Variants in PTPRM observed in about 807,000 individuals in gnomAD.
PTPRM encodes the protein protein tyrosine phosphatase receptor type M.
A neutral mutation model predicts 186.7 loss-of-function variants in PTPRM; 47 were observed. The observed-to-expected ratio is 0.25, with a 90% CI of 0.20 to 0.32. PTPRM has a LOEUF of 0.32. PTPRM is among the 10% of genes least tolerant of loss of function. The pLI is 1.00. For synonymous variants in PTPRM, 668 were observed against 674.9 expected (o/e 0.99, Z 0.16); for missense variants, 1,494 against 1,865.0 (o/e 0.80, Z 3.66).
intron 7 of PTPRM, among the ~76,000 whole-genome samples, chr18:8,017,153 C>A (rs549402658): frequency 6.6e-6 from 1 of 152,190 alleles, no homozygotes; most frequent in South Asian, 2.1e-4. Flanking sequence ...ATAAGGACCA[C>A]GTATTTATTA....
At chr18:7,813,174 C>T (rs545066672) in intron 2 of PTPRM, among the ~76,000 whole-genome samples, 4 of 152,014 alleles carry the variant, frequency 2.6e-5, no homozygotes, top group Non-Finnish European at 4.4e-5. Context: ...AATGAAAGTA[C>T]GAGGGATAAA....
At position 7,608,016 on chromosome 18, in the gene PTPRM, C is replaced by G. The variant is rs565503805; in HGVS notation, c.73+40125C>G. ...CCTGCTCTACAGGATCTCTCTCCCA[C>G]CTGTTGCAGTAATGAGTGAAACCCT... On this transcript the variant is annotated intron_variant, in intron 1 of 32. Transcript: ENST00000580170. Among the ~76,000 whole-genome samples the G allele has an allele frequency of 3.2e-4, 49 of 152,326 alleles. 2 individuals are homozygous for G. Among genetic ancestry groups the G allele is most frequent in the East Asian group, 1.2e-3 (6 of 5,164 alleles).
At chr18:8,197,804 A>G (rs2146796419) in intron 14 of PTPRM, among the ~76,000 whole-genome samples, 1 of 152,340 alleles carries the variant, frequency 6.6e-6, no homozygotes, top group Non-Finnish European at 1.5e-5. Flanking sequence ...TTTTTCTGTC[A>G]TGGTTGCTGA....
intron 1 of PTPRM, among the ~76,000 whole-genome samples, chr18:7,647,615 C>T (rs1331396579): frequency 6.6e-6 from 1 of 152,212 alleles, no homozygotes; most frequent in East Asian, 1.9e-4. Context: ...TAAGGCTACG[C>T]TGGTGTGTCC....
chr18:8,212,157 G>A (rs1011079760), intron 14 of PTPRM, among the ~76,000 whole-genome samples: 2 of 152,186 alleles, frequency 1.3e-5, no homozygotes, highest in Non-Finnish European at 2.9e-5. Context: ...AGAGGACCAG[G>A]TGCCTGTGCC....
chr18:8,084,415 C>T (rs560576107), intron 9 of PTPRM, among the ~76,000 whole-genome samples: 1 of 152,198 alleles, frequency 6.6e-6, no homozygotes, highest in East Asian at 1.9e-4. Context: ...ACTTCCTTAA[C>T]CTTGCAGAGG....
chr18:8,134,467 ATCCTTCTTCGTAG>A (rs1228158661), intron 13 of PTPRM, among the ~76,000 whole-genome samples: 1 of 152,116 alleles, frequency 6.6e-6, no homozygotes, highest in Non-Finnish European at 1.5e-5. Flanking sequence ...AGTTCCTTTT[ATCCTTCTTCGTAG>A]TCCTTCTTTT....
At chr18:7,845,763 C>T (rs1488158363) in intron 2 of PTPRM, among the ~76,000 whole-genome samples, 1 of 152,006 alleles carries the variant, frequency 6.6e-6, no homozygotes, top group Admixed American at 6.6e-5. Flanking sequence ...GGTGGTCCTC[C>T]GTGTCCATAC....
At chr18:8,314,405 G>C (rs1280222773) in intron 20 of PTPRM, among the ~76,000 whole-genome samples, 1 of 152,204 alleles carries the variant, frequency 6.6e-6, no homozygotes, top group Non-Finnish European at 1.5e-5. Flanking sequence ...ATTTGTCAAG[G>C]TGGGTGTCAC....
intron 23 of PTPRM, among the ~76,000 whole-genome samples, chr18:8,357,509 C>T (rs866095618): frequency 6.6e-6 from 1 of 152,138 alleles, no homozygotes; most frequent in Non-Finnish European, 1.5e-5. Context: ...AGGGCCGCAG[C>T]GGGTTCCTGC....
intron 8 of PTPRM, among the ~76,000 whole-genome samples, chr18:8,074,831 C>T (rs116544635): frequency 6.6e-6 from 1 of 152,088 alleles, no homozygotes; most frequent in South Asian, 2.1e-4. Context: ...TATGCAGAAG[C>T]CTTCTCCCAT....
intron 14 of PTPRM, among the ~76,000 whole-genome samples, chr18:8,231,967 A>G (rs1199615171): frequency 6.6e-6 from 1 of 152,086 alleles, no homozygotes; most frequent in African/African-American, 2.4e-5. Context: ...ATTCTTCATA[A>G]TGCACCTACT....
chr18:8,314,809 A>G lies in PTPRM; in HGVS notation c.2871A>G (p.Thr957=), dbSNP rs769169859. Residue 957 remains threonine, a synonymous_variant, in exon 21 of 33, where the codon ACA becomes ACG. Transcript: ENST00000580170. ...AYDHSRVRLQ[T]IEGDTNSDYI... is the part of the protein sequence containing the mutation. ...ATCATTCCCGAGTGAGGCTGCAGAC[A>G]ATAGAAGGAGACACAAACTCAGACT... 4.3e-6 allele frequency: 7 copies of G among 1,612,262 alleles called. No homozygotes were observed. Among genetic ancestry groups the G allele is most frequent in the South Asian group, 2.2e-5 (2 of 90,940 alleles).
intron 32 of PTPRM, chr18:8,405,186 AAGG>A (rs1331588918): frequency 6.6e-6 from 1 of 151,710 alleles, no homozygotes; most frequent in African/African-American, 2.4e-5. Flanking sequence ...AAAAAAAAGA[AAGG>A]AGGGAGAAAT....
Position 7,834,528 on chromosome 18 carries a change from A to ACACACT in PTPRM, c.197-53577_197-53576insACACTC, listed in dbSNP as rs763752808. The stretch of plus-strand genomic sequence containing the variant: ...CACACACACACACACACACACACAC[A>ACACACT]CTTCCAGACTCATTCTTTCAGGTCA... On this transcript the variant is annotated intron_variant, in intron 2 of 32. Coordinates refer to ENST00000580170, the MANE Select transcript of PTPRM (RefSeq NM_001105244.2). 2.0e-3 allele frequency among the ~76,000 whole-genome samples: 287 copies of ACACACT among 146,234 alleles called. 1 individual carries two copies. Among genetic ancestry groups the ACACACT allele is most frequent in the African/African-American group, 6.8e-3 (263 of 38,556 alleles).
chr18:7,857,432 G>A (rs2047149141), intron 2 of PTPRM, among the ~76,000 whole-genome samples: 1 of 152,092 alleles, frequency 6.6e-6, no homozygotes, highest in African/African-American at 2.4e-5. Context: ...CTGGCTTCAG[G>A]GATTCTGCAT....
chr18:7,977,122 C>T (rs1284852137), intron 7 of PTPRM, among the ~76,000 whole-genome samples: 1 of 151,964 alleles, frequency 6.6e-6, no homozygotes, highest in Non-Finnish European at 1.5e-5. Context: ...AGAGTTTCGC[C>T]CTTTTTGCCC....
chr18:8,045,101 C>T (rs1440185432), intron 7 of PTPRM, among the ~76,000 whole-genome samples: 1 of 152,210 alleles, frequency 6.6e-6, no homozygotes, highest in Non-Finnish European at 1.5e-5. Context: ...CATACCAACA[C>T]TTTGGGAGGC....
At chr18:8,395,743 C>G (rs1003801717) in intron 32 of PTPRM, among the ~76,000 whole-genome samples, 19 of 152,206 alleles carry the variant, frequency 1.2e-4, no homozygotes, top group African/African-American at 4.6e-4. Context: ...TCCTGCGCCC[C>G]TCCTCCCCAC....
Sources: gnomAD v4.1 joint callset for allele counts (sites outside exome capture counted in the v4.1 genomes callset) on GRCh38, gnomAD v4.1.1 for gene constraint, MANE v1.5 for transcripts, NCBI Gene and HGNC (gene_info 2026-07-23, HGNC 2026-07-21) for gene names.